Variants in ITGA2 observed in about 807,000 individuals in gnomAD.
ITGA2 encodes the protein integrin alpha-2.
In ITGA2, 101 loss-of-function variants were observed where a neutral mutation model predicts 146.3. That is an observed-to-expected ratio of 0.69 (90% CI 0.59 to 0.81). The LOEUF (loss-of-function observed/expected upper bound fraction) is 0.81, where lower values mean the gene tolerates loss of function less well. Among genes scored for constraint, ITGA2 ranks in the 40% least tolerant of loss-of-function variants. The probability of loss-of-function intolerance (pLI) is 0.00; values close to 1 mark genes in which losing one functional copy is unlikely to be tolerated. For missense variants in ITGA2, 1,281 were observed against 1,402.7 expected (o/e 0.91, Z 1.39); for synonymous variants, 477 against 487.1 (o/e 0.98, Z 0.27).
chr5:53,076,603 C>G (rs1186795321), intron 23 of ITGA2, among the ~76,000 whole-genome samples: 2 of 151,984 alleles, frequency 1.3e-5, no homozygotes, highest in African/African-American at 2.4e-5. Context: ...TGAATTTTTT[C>G]CTTCTTATAT....
rs539684759 is a variant in ITGA2, at chr5:52,992,140, T to TA, written c.64+2616dup. Among the ~76,000 whole-genome samples, 379 of 152,104 alleles carry TA rather than the reference T, an allele frequency of 2.5e-3. 3 individuals carry two copies. Among genetic ancestry groups the TA allele is most frequent in the South Asian group, 7.5e-3 (36 of 4,810 alleles). On this transcript the variant is annotated intron_variant, in intron 1 of 29. Coordinates refer to ENST00000296585, the MANE Select transcript of ITGA2 (RefSeq NM_002203.4). Reference sequence around the variant, plus strand: ...GTAAATATTCTAATTTTTCTTATTGTAAAAAAAATATTTCTTTTGATATTT... The same window carrying TA: ...GTAAATATTCTAATTTTTCTTATTGTAAAAAAAAATATTTCTTTTGATATTT...
At chr5:53,052,741 A>G (rs1238417173) in intron 7 of ITGA2, among the ~76,000 whole-genome samples, 1 of 152,062 alleles carries the variant, frequency 6.6e-6, no homozygotes, top group Non-Finnish European at 1.5e-5. Flanking sequence ...ATGACACCAC[A>G]AACTTCTCGA....
rs1740462677 is a variant in ITGA2 at position 53,092,248 on chromosome 5, A to T, written c.*1649A>T. Reference sequence around the variant, plus strand: ...CTATAAACTTCAGAGTCCTCATTATAAAATGGGAAGACTGAGCTGGAGTTC... The same window carrying T: ...CTATAAACTTCAGAGTCCTCATTATTAAATGGGAAGACTGAGCTGGAGTTC... On this transcript the variant is annotated 3_prime_UTR_variant, in exon 30 of 30. Transcript: ENST00000296585. 2 of 152,188 alleles carry T rather than the reference A, an allele frequency of 1.3e-5. No homozygotes were observed. Among genetic ancestry groups the T allele is most frequent in the Admixed American group, 1.3e-4 (2 of 15,282 alleles). The allele number at this position is 152,188 out of a possible 1,614,324, so 9.4% of individuals were successfully genotyped here.
At chr5:53,041,216 C>T (rs1410355816) in intron 2 of ITGA2, among the ~76,000 whole-genome samples, 3 of 152,068 alleles carry the variant, frequency 2.0e-5, no homozygotes, top group South Asian at 2.1e-4. Flanking sequence ...TACCTGGGCT[C>T]TTTCTGTGCA....
chr5:53,070,039 A>C, intron 16 of ITGA2, 70 bp from the exon 17 acceptor site: 1 of 1,309,962 alleles, frequency 7.6e-7, no homozygotes. Flanking sequence ...AGAAGACACA[A>C]TAAAGCAAAG....
intron 20 of ITGA2, among the ~76,000 whole-genome samples, chr5:53,073,943 C>CAAAAAAAAAAA (rs1745523184): frequency 1.6e-5 from 1 of 64,002 alleles, no homozygotes; most frequent in East Asian, 4.2e-4. Context: ...CTGAAGAAAA[C>CAAAAAAAAAAA]TAAAAAAAAA....
chr5:53,037,936 C>T (rs557570235), intron 2 of ITGA2, among the ~76,000 whole-genome samples: 33 of 152,312 alleles, frequency 2.2e-4, no homozygotes, highest in African/African-American at 7.0e-4. Flanking sequence ...AGTGCTTCCA[C>T]ATCCTTCTTG....
intron 7 of ITGA2, among the ~76,000 whole-genome samples, chr5:53,052,697 A>G (rs1043166560): frequency 6.6e-6 from 1 of 152,040 alleles, no homozygotes; most frequent in Non-Finnish European, 1.5e-5. Flanking sequence ...TTTGATAATG[A>G]TGAACATACG....
chr5:53,005,863 A>G (rs1741822048), intron 1 of ITGA2, among the ~76,000 whole-genome samples: 1 of 152,178 alleles, frequency 6.6e-6, no homozygotes, highest in African/African-American at 2.4e-5. Context: ...TTCAAACCTC[A>G]GAGGCCAAGC....
intron 1 of ITGA2, among the ~76,000 whole-genome samples, chr5:52,993,208 T>C (rs963671771): frequency 2.6e-5 from 4 of 152,144 alleles, no homozygotes; most frequent in African/African-American, 7.2e-5. Context: ...ACCTCTCTGG[T>C]CTCATCCTCA....
rs373539496 is a variant in ITGA2 at position 53,051,416 on chromosome 5, G to T, written c.636G>T (p.Gly212=). 138 of 1,613,152 alleles carry T rather than the reference G, an allele frequency of 8.6e-5. 1 individual carries two copies. In the Middle Eastern group the frequency reaches 6.3e-3, roughly 73 times the overall value. ...LDIGPTKTQV[G]LIQYANNPRV... ...AAATGTCTCCTCTGTTGAAGGTGGG[G>T]TTAATTCAGTATGCCAATAATCCAA... Residue 212 remains glycine (G), a synonymous_variant, in exon 7 of 30, where the codon GGG becomes GGT. Transcript: ENST00000296585.
intron 3 of ITGA2, 30 bp from the exon 4 acceptor site, chr5:53,044,971 C>T (rs1161305432): frequency 1.3e-6 from 2 of 1,504,136 alleles, no homozygotes; most frequent in South Asian, 1.1e-5. Flanking sequence ...AATTTTTAAT[C>T]ACTTTTAAAA....
intron 1 of ITGA2, among the ~76,000 whole-genome samples, chr5:53,013,782 CA>C (rs1742269911): frequency 6.6e-6 from 1 of 151,922 alleles, no homozygotes; most frequent in Non-Finnish European, 1.5e-5. Flanking sequence ...GGATTTATTT[CA>C]GAAGTGTTTT....
intron 26 of ITGA2, 88 bp from the exon 27 acceptor site, chr5:53,083,252 G>T: frequency 1.2e-6 from 1 of 809,722 alleles, no homozygotes; most frequent in South Asian, 1.4e-5. Flanking sequence ...TCCCAGCACT[G>T]AGTTTTATCT....
intron 6 of ITGA2, among the ~76,000 whole-genome samples, chr5:53,049,850 T>C (rs1744271074): frequency 6.8e-6 from 1 of 146,104 alleles, no homozygotes; most frequent in Non-Finnish European, 1.5e-5. Context: ...CTAATACAAA[T>C]TGTTGACATA....
chr5:53,029,398 A>G (rs1743117991), intron 2 of ITGA2, among the ~76,000 whole-genome samples: 1 of 152,188 alleles, frequency 6.6e-6, no homozygotes. Context: ...CTATGCTCCA[A>G]GAACTAAGTC....
chr5:53,063,071 C>A, intron 13 of ITGA2, 142 bp downstream of exon 13: 1 of 717,686 alleles, frequency 1.4e-6, no homozygotes, highest in African/African-American at 1.8e-5. Flanking sequence ...TTGAGGATGT[C>A]CCCATTAAGT....
At chr5:53,040,875 C>G (rs1458387272) in intron 2 of ITGA2, among the ~76,000 whole-genome samples, 1 of 151,956 alleles carries the variant, frequency 6.6e-6, no homozygotes, top group Non-Finnish European at 1.5e-5. Flanking sequence ...AACCTTGGAC[C>G]ATTTTAATGT....
intron 1 of ITGA2, among the ~76,000 whole-genome samples, chr5:53,016,724 A>G (rs768709814): frequency 4.6e-5 from 7 of 152,158 alleles, no homozygotes; most frequent in Admixed American, 2.6e-4. Flanking sequence ...AGGGATACCA[A>G]TGAATCATAA....
Sources: allele counts gnomAD v4.1 joint callset (sites outside exome capture counted in the v4.1 genomes callset), GRCh38; gene constraint gnomAD v4.1.1; transcripts MANE v1.5; gene names NCBI Gene and HGNC (gene_info 2026-07-23, HGNC 2026-07-21).